Variants in KNTC1 observed in about 807,000 individuals in gnomAD.
KNTC1 encodes kinetochore-associated protein 1.
KNTC1 carries 253 observed loss-of-function variants against 314.4 expected under a neutral mutation model. That is an observed-to-expected ratio of 0.80 (90% CI 0.73 to 0.89). The LOEUF (loss-of-function observed/expected upper bound fraction) is 0.89. KNTC1 is among the 40% of genes least tolerant of loss of function. KNTC1 has a pLI of 0.00. For synonymous variants in KNTC1, 901 were observed against 901.4 expected (o/e 1.00, Z 0.01); for missense variants, 2,475 against 2,572.9 (o/e 0.96, Z 0.82).
rs374340743 is a variant in KNTC1 at position 122,562,001 on chromosome 12, T to C, written c.1542+27T>C. The C allele has an allele frequency of 1.1e-4, 175 of 1,584,150 alleles. 1 individual carries two copies. The highest frequency in any genetic ancestry group is 1.4e-4 in the Non-Finnish European group (163 of 1,159,736). On this transcript the variant is annotated intron_variant, in intron 19 of 63. Transcript: ENST00000333479. The stretch of plus-strand genomic sequence containing the variant: ...TAATTACACTAGATTTCTAGGTTAA[T>C]ATGTGGGTGAATATACCTTTATAAT...
At chr12:122,604,713 C>A (rs1166728635) in intron 49 of KNTC1, 76 bp downstream of exon 49, 5 of 1,258,302 alleles carry the variant, frequency 4.0e-6, no homozygotes, top group Non-Finnish European at 5.8e-6. Context: ...CCTTCTCATG[C>A]TGCCCTGGTG....
chr12:122,619,382 T>A (rs1874154091), intron 59 of KNTC1, among the ~76,000 whole-genome samples: 1 of 151,070 alleles, frequency 6.6e-6, no homozygotes, highest in African/African-American at 2.4e-5. Context: ...TTGCTGGGAT[T>A]ACAGATGTGA....
chr12:122,587,735 T>TA lies in KNTC1; in HGVS notation c.3758dup (p.Asn1253LysfsTer14). On this transcript the variant is annotated frameshift_variant, in exon 39 of 64. Coordinates refer to ENST00000333479, the MANE Select transcript of KNTC1 (RefSeq NM_014708.6). LOFTEE classifies it high-confidence loss of function. ...GGAGATGGCCTTGTTTTACCTGTTATAAATTCCATCTCTGCCCTGCTTCAG... is the reference window on the plus strand; with the variant it reads ...GGAGATGGCCTTGTTTTACCTGTTATAAAATTCCATCTCTGCCCTGCTTCAG... The TA allele has an allele frequency of 6.2e-7, 1 of 1,613,592 alleles. No individual in the cohort carries two copies. The highest frequency in any genetic ancestry group is 1.7e-5 in the Admixed American group (1 of 59,984).
chr12:122,583,718 C>T (rs190050397), intron 34 of KNTC1, among the ~76,000 whole-genome samples: 30 of 152,038 alleles, frequency 2.0e-4, no homozygotes, highest in East Asian at 1.2e-3. Context: ...CCCACCTACT[C>T]GGGAGGCTGA....
intron 38 of KNTC1, 67 bp downstream of exon 38, chr12:122,586,824 T>TTTA (rs757619205): frequency 1.8e-6 from 1 of 546,748 alleles, no homozygotes; most frequent in Non-Finnish European, 2.5e-6. Flanking sequence ...ATTTATTTTA[T>TTTA]TTTTTTGAGA....
chr12:122,558,140 T>G (rs1963729728), intron 18 of KNTC1, among the ~76,000 whole-genome samples: 1 of 151,634 alleles, frequency 6.6e-6, no homozygotes, highest in South Asian at 2.1e-4. Flanking sequence ...GTTCCAGCTA[T>G]TAGGGAGGCT....
chr12:122,615,593 G>A (rs1346434047), intron 57 of KNTC1, 67 bp downstream of exon 57: 1 of 1,366,316 alleles, frequency 7.3e-7, no homozygotes, highest in African/African-American at 1.5e-5. Context: ...TGTGACTGCT[G>A]GGGACACTGG....
In KNTC1 at chr12:122,597,872, T is replaced by C; in HGVS notation, c.4497T>C (p.Leu1499=). The change falls in exon 44 of 64, where the codon CTT becomes CTC. Residue 1499 remains leucine (L), a synonymous_variant. Coordinates refer to ENST00000333479, the MANE Select transcript of KNTC1 (RefSeq NM_014708.6). ...ATCCCAAACTCCTGGCCAAAGCCCT[T>C]GAGATGGTTCCTTTACTGACGAGCA... ...RRHPKLLAKA[L]EMVPLLTSTK... is the part of the protein sequence containing the mutation. 3 of 1,612,744 alleles carry C rather than the reference T, an allele frequency of 1.9e-6. No homozygotes were observed. Among genetic ancestry groups the C allele is most frequent in the Non-Finnish European group, 1.7e-6 (2 of 1,178,700 alleles).
At chr12:122,555,576 G>A (rs975056786) in intron 16 of KNTC1, among the ~76,000 whole-genome samples, 11 of 150,496 alleles carry the variant, frequency 7.3e-5, no homozygotes, top group African/African-American at 2.2e-4. Context: ...AGGGCCGGGC[G>A]CGGTGGCTCA....
intron 44 of KNTC1, among the ~76,000 whole-genome samples, chr12:122,600,468 T>G (rs1871709649): frequency 6.6e-6 from 1 of 152,188 alleles, no homozygotes; most frequent in South Asian, 2.1e-4. Context: ...TAGTATATAG[T>G]TAGAGCTAAA....
chr12:122,538,274 A>G (rs191893013), intron 3 of KNTC1, 65 bp from the exon 4 acceptor site: 7 of 949,114 alleles, frequency 7.4e-6, no homozygotes, highest in Non-Finnish European at 1.1e-5. Context: ...AAAAATTTGT[A>G]TTTTTTTTGT....
In KNTC1 at chr12:122,588,834, G is replaced by A; in HGVS notation, c.3999+18G>A. 1 of 1,458,342 alleles carries A rather than the reference G, an allele frequency of 6.9e-7. No individual in the cohort carries two copies. The highest frequency in any genetic ancestry group is 9.1e-7 in the Non-Finnish European group (1 of 1,095,884). 90.3% of individuals were successfully genotyped at this position (1,458,342 alleles called of 1,614,324 possible). ...TGCACAAAGTAAGTATTTGTTCTGGGTAAAAATTTTGTTTGTTTTTTTTTT... is the reference window on the plus strand; with the variant it reads ...TGCACAAAGTAAGTATTTGTTCTGGATAAAAATTTTGTTTGTTTTTTTTTT... On this transcript the variant is annotated intron_variant, in intron 40 of 63. Transcript: ENST00000333479.
At chr12:122,603,269 A>G (rs1302037175) in intron 48 of KNTC1, 26 bp downstream of exon 48, 10 of 1,349,748 alleles carry the variant, frequency 7.4e-6, no homozygotes, top group East Asian at 2.5e-5. Flanking sequence ...TTAAAATTGT[A>G]GTTAAAAAAA....
In KNTC1 at chr12:122,620,544, C is replaced by T. The variant is rs370269719; in HGVS notation, c.6215C>T (p.Pro2072Leu). ...AGGCAGTATATCCAGTTAGAACTTC[C>T]GGCTTTTGCATTAGCTTGTCTGATG... ...VARQYIQLELPAFALACLMLM... is the reference protein window; with the variant it reads ...VARQYIQLELLAFALACLMLM... The change falls in exon 60 of 64, where the codon CCG (proline) becomes CTG (leucine). Residue 2072 changes from proline to leucine, a missense_variant. Coordinates refer to ENST00000333479, the MANE Select transcript of KNTC1 (RefSeq NM_014708.6). 53 of 1,613,380 alleles carry T rather than the reference C, an allele frequency of 3.3e-5. No homozygotes were observed. The highest frequency in any genetic ancestry group is 2.7e-4 in the African/African-American group (20 of 74,910).
chr12:122,605,089 T>G lies in KNTC1; in HGVS notation c.5386+2T>G. 1.2e-6 allele frequency: 2 copies of G among 1,603,110 alleles called. No individual in the cohort carries two copies. The highest frequency in any genetic ancestry group is 1.7e-6 in the Non-Finnish European group (2 of 1,175,024). On this transcript the variant is annotated splice_donor_variant, in intron 50 of 63. Coordinates refer to ENST00000333479, the MANE Select transcript of KNTC1 (RefSeq NM_014708.6). LOFTEE classifies it high-confidence loss of function. The stretch of plus-strand genomic sequence containing the variant: ...ATTCATCTGGCACAGATTATCCTGG[T>G]GAGGACAAAACAATTTTTTTGTTGT...
intron 55 of KNTC1, 58 bp from the exon 56 acceptor site, chr12:122,614,933 A>T: frequency 8.2e-7 from 1 of 1,218,106 alleles, no homozygotes; most frequent in Non-Finnish European, 1.2e-6. Flanking sequence ...TTTTCCAAAG[A>T]TGGCTTGATT....
At chr12:122,529,921 G>A (rs1429996376) in intron 1 of KNTC1, 70 bp from the exon 2 acceptor site, 1 of 818,032 alleles carries the variant, frequency 1.2e-6, no homozygotes, top group Admixed American at 3.1e-5. Context: ...ATATGTTAAT[G>A]TTAGACTTTT....
chr12:122,596,352 G>C (rs889262826), intron 43 of KNTC1, among the ~76,000 whole-genome samples: 1 of 151,930 alleles, frequency 6.6e-6, no homozygotes, highest in Admixed American at 6.6e-5. Context: ...CAAAGTGCTA[G>C]GATTACAGGC....
intron 18 of KNTC1, among the ~76,000 whole-genome samples, chr12:122,558,154 G>C (rs1305235821): frequency 5.3e-5 from 8 of 152,154 alleles, no homozygotes; most frequent in African/African-American, 1.4e-4. Flanking sequence ...GGAGGCTGAG[G>C]CACAAGAATC....
Sources: gnomAD v4.1 joint callset for allele counts (sites outside exome capture counted in the v4.1 genomes callset) on GRCh38, gnomAD v4.1.1 for gene constraint, MANE v1.5 for transcripts, NCBI Gene and HGNC (gene_info 2026-07-23, HGNC 2026-07-21) for gene names.